STK31: variants seen among roughly 807,000 people sequenced by gnomAD.
STK31 encodes the protein serine/threonine-protein kinase 31.
Under a neutral mutation model 129.7 loss-of-function variants are expected in STK31, and 89 were observed. The observed-to-expected ratio is 0.69, with a 90% confidence interval of 0.58 to 0.82. The LOEUF is 0.82. Ranked by LOEUF, STK31 falls within the 40% of genes least tolerant of loss-of-function variation. The pLI, the probability that STK31 is intolerant of heterozygous loss-of-function variation, is 0.00. For missense variants in STK31, 1,187 were observed against 1,176.4 expected (o/e 1.01, Z -0.13); for synonymous variants, 448 against 395.3 (o/e 1.13, Z -1.58).
chr7:23,739,079 T>C (rs1240465852), intron 8 of STK31, among the ~76,000 whole-genome samples: 1 of 152,252 alleles, frequency 6.6e-6, no homozygotes, highest in Non-Finnish European at 1.5e-5. Context: ...TTGAACTAAT[T>C]CATACTCCCA....
chr7:23,791,169 G>A (rs1318278667), intron 22 of STK31: 1 of 793,850 alleles, frequency 1.3e-6, no homozygotes, highest in African/African-American at 1.9e-5. Context: ...TGGTTCTGTT[G>A]AAGTCAAGAT....
chr7:23,787,843 C>G, intron 20 of STK31, 137 bp from the exon 21 acceptor site: 1 of 748,946 alleles, frequency 1.3e-6, no homozygotes, highest in East Asian at 3.0e-5. Flanking sequence ...TGGTCTTTCT[C>G]TATGCTGTAT....
chr7:23,754,754 G>A (rs536990134), intron 10 of STK31, among the ~76,000 whole-genome samples: 3 of 152,058 alleles, frequency 2.0e-5, no homozygotes, highest in Admixed American at 1.3e-4. Flanking sequence ...GTAGTGTTTG[G>A]TTTTCTATTC....
At chr7:23,811,211 T>G (rs560341457) in intron 22 of STK31, 18 of 258,716 alleles carry the variant, frequency 7.0e-5, no homozygotes, top group Admixed American at 3.0e-4. Flanking sequence ...CTTACAGTAG[T>G]TTAGCAGAGC....
At chr7:23,798,717 C>T (rs1220818950) in intron 22 of STK31, among the ~76,000 whole-genome samples, 2 of 152,162 alleles carry the variant, frequency 1.3e-5, no homozygotes, top group African/African-American at 4.8e-5. Context: ...TCTCACCACT[C>T]CTATTTAACA....
intron 15 of STK31, among the ~76,000 whole-genome samples, chr7:23,772,778 C>G (rs1038303799): frequency 2.6e-5 from 4 of 152,158 alleles, no homozygotes; most frequent in Admixed American, 1.3e-4. Flanking sequence ...ATGCCCTAAT[C>G]TGGACTAACT....
intron 11 of STK31, among the ~76,000 whole-genome samples, chr7:23,768,207 A>T (rs1445625526): frequency 6.6e-6 from 1 of 152,130 alleles, no homozygotes; most frequent in African/African-American, 2.4e-5. Flanking sequence ...ATAGGCAATC[A>T]TTGTTACAAT....
At chr7:23,777,600 A>AT (rs200049245) in intron 15 of STK31, among the ~76,000 whole-genome samples, 1,615 of 149,934 alleles carry the variant, frequency 0.011, 38 homozygotes, top group South Asian at 0.054. Context: ...CTTTATTTTT[A>AT]TTTTTTTTTA....
At chr7:23,720,338 A>G (rs1786616151) in intron 4 of STK31, among the ~76,000 whole-genome samples, 1 of 152,140 alleles carries the variant, frequency 6.6e-6, no homozygotes, top group African/African-American at 2.4e-5. Flanking sequence ...TCAAAGATAA[A>G]TACTCAGATA....
intron 7 of STK31, among the ~76,000 whole-genome samples, chr7:23,736,179 G>A (rs1411661675): frequency 6.6e-6 from 1 of 152,130 alleles, no homozygotes; most frequent in African/African-American, 2.4e-5. Context: ...ATAAAAATCT[G>A]CTCCTAAATC....
At chr7:23,711,569 TATA>T (rs914903782) in intron 1 of STK31, among the ~76,000 whole-genome samples, 4 of 152,290 alleles carry the variant, frequency 2.6e-5, no homozygotes, top group South Asian at 2.1e-4. Flanking sequence ...TTTGATAAAG[TATA>T]ATATTATGTA....
At chr7:23,790,673 A>T (rs1477489915) in intron 21 of STK31, 151 bp from the exon 22 acceptor site, 1 of 752,538 alleles carries the variant, frequency 1.3e-6, no homozygotes, top group Non-Finnish European at 1.9e-6. Context: ...AGAGCAATTT[A>T]TAATAGCAGA....
intron 18 of STK31, 144 bp downstream of exon 18, chr7:23,785,747 G>A: frequency 9.4e-7 from 1 of 1,063,674 alleles, no homozygotes; most frequent in East Asian, 3.5e-5. Context: ...TTGTAGTTTG[G>A]TTGCCAGAAC....
At position 23,754,348 on chromosome 7, in the gene STK31, C is replaced by G. The variant is rs1370928668; in HGVS notation, c.1167C>G (p.Asp389Glu). 2 of 1,612,774 alleles carry G rather than the reference C, an allele frequency of 1.2e-6. No individual in the cohort carries two copies. The highest frequency in any genetic ancestry group is 1.1e-5 in the South Asian group (1 of 90,596). Residue 389 changes from aspartate (D) to glutamate (E), a missense_variant, in exon 10 of 24, where the codon GAC becomes GAG. This residue lies in a region of STK31 where 975 missense variants were observed against 934.9 expected (regional missense o/e 1.04). Coordinates refer to ENST00000355870, the MANE Select transcript of STK31 (RefSeq NM_031414.5). ...ACATCAGTGTCCGTTTCGGAAAAGA[C>G]CTTTCAGATGCTATACAAGTGTTGG... is the stretch of plus-strand genomic sequence containing the variant. ...HVDISVRFGK[D>E]LSDAIQVLDE...
intron 14 of STK31, chr7:23,771,553 T>C (rs1271647325): frequency 1.3e-5 from 2 of 153,052 alleles, no homozygotes; most frequent in African/African-American, 4.8e-5. Flanking sequence ...TTTAATGGTA[T>C]ATTATGAACA....
At chr7:23,752,442 C>G (rs1463538781) in intron 8 of STK31, among the ~76,000 whole-genome samples, 1 of 151,700 alleles carries the variant, frequency 6.6e-6, no homozygotes, top group Non-Finnish European at 1.5e-5. Flanking sequence ...CTCTGCCTCC[C>G]TAACTCAAGC....
intron 22 of STK31, among the ~76,000 whole-genome samples, chr7:23,809,794 C>T (rs1330981406): frequency 2.7e-5 from 4 of 150,410 alleles, no homozygotes; most frequent in African/African-American, 4.9e-5. Flanking sequence ...AATTCAGTAC[C>T]GTAACATACA....
intron 4 of STK31, chr7:23,726,092 A>G (rs1456132734): frequency 6.6e-6 from 1 of 152,204 alleles, no homozygotes; most frequent in Non-Finnish European, 1.5e-5. Context: ...ACCTCCTACC[A>G]GGCCCCCCTC....
chr7:23,790,876 C>A lies in STK31; in HGVS notation c.2690C>A (p.Pro897His). 6.2e-7 allele frequency: 1 copy of A among 1,609,080 alleles called. No homozygotes were observed. Among genetic ancestry groups the A allele is most frequent in the South Asian group, 1.1e-5 (1 of 90,200 alleles). The change falls in exon 22 of 24, where the codon CCT (proline) becomes CAT (histidine). Residue 897 changes from proline to histidine, a missense_variant. Pro to His is a moderately conservative substitution (Grantham distance 77). Transcript: ENST00000355870. Reference sequence around the variant, plus strand: ...GTTGGTGACTTGAGTTTGATGTCACCTGAGTTGAAAATGGGAAAACCTGCT... The same window carrying A: ...GTTGGTGACTTGAGTTTGATGTCACATGAGTTGAAAATGGGAAAACCTGCT... ...MMVGDLSLMS[P>H]ELKMGKPASP...
Sources: gnomAD v4.1 joint callset for allele counts (sites outside exome capture counted in the v4.1 genomes callset) on GRCh38, gnomAD v4.1.1 for gene constraint, gnomAD v4.1.1 regional missense constraint, MANE v1.5 for transcripts, NCBI Gene and HGNC (gene_info 2026-07-23, HGNC 2026-07-21) for gene names.